Variants in DIP2C observed in about 807,000 individuals in gnomAD.
The protein encoded by DIP2C is disco-interacting protein 2 homolog C.
In DIP2C, 33 loss-of-function variants were observed where a neutral mutation model predicts 192.4. The observed-to-expected ratio is 0.17, with a 90% CI of 0.13 to 0.23. The LOEUF is 0.23. DIP2C is among the 10% of genes least tolerant of loss of function. The pLI, the probability that DIP2C is intolerant of heterozygous loss-of-function variation, is 1.00. For missense variants in DIP2C, 1,537 were observed against 2,110.1 expected (o/e 0.73, Z 5.32); for synonymous variants, 979 against 864.1 (o/e 1.13, Z -2.33).
chr10:618,952 C>A (rs1486984969), intron 1 of DIP2C, among the ~76,000 whole-genome samples: 3 of 152,208 alleles, frequency 2.0e-5, no homozygotes, highest in African/African-American at 7.2e-5. Context: ...AAAAATACTT[C>A]CAATTCTTCT....
chr10:578,909 C>G (rs528034520), intron 1 of DIP2C, among the ~76,000 whole-genome samples: 1 of 148,710 alleles, frequency 6.7e-6, no homozygotes, highest in Non-Finnish European at 1.5e-5. Context: ...TCCAGATCCA[C>G]AGTGTGTGCA....
intron 32 of DIP2C, among the ~76,000 whole-genome samples, chr10:299,446 G>A (rs1290516829): frequency 3.3e-5 from 5 of 152,118 alleles, no homozygotes; most frequent in Admixed American, 1.3e-4. Context: ...TCTTCATGAC[G>A]TTGACATTTT....
intron 1 of DIP2C, among the ~76,000 whole-genome samples, chr10:566,218 G>C (rs1849459489): frequency 6.6e-6 from 1 of 152,002 alleles, no homozygotes; most frequent in African/African-American, 2.4e-5. Flanking sequence ...TTACCATTAA[G>C]AGTGTCTGAA....
At chr10:649,322 C>T (rs992065725) in intron 1 of DIP2C, among the ~76,000 whole-genome samples, 1 of 151,670 alleles carries the variant, frequency 6.6e-6, no homozygotes, top group African/African-American at 2.4e-5. Flanking sequence ...AGTCCACGTC[C>T]ACATTGGATG....
rs913364642 is a variant in DIP2C at position 514,799 on chromosome 10, T to G, written c.86-28269A>C. Among the ~76,000 whole-genome samples the G allele has an allele frequency of 4.6e-5, 7 of 152,240 alleles. No homozygotes were observed. In the East Asian group the frequency reaches 1.4e-3, roughly 29 times the overall value. Reference sequence around the variant, plus strand: ...TCACCACCCCCCTTCCATGGGGGGCTTTATGCCTAGGAGTCTCAATATCAG... The same window carrying G: ...TCACCACCCCCCTTCCATGGGGGGCGTTATGCCTAGGAGTCTCAATATCAG... On this transcript the variant is annotated intron_variant, in intron 1 of 36. Transcript: ENST00000280886.
Position 548,023 on chromosome 10 carries a change from A to G in DIP2C, c.86-61493T>C, listed in dbSNP as rs146539204. 1.1e-3 allele frequency among the ~76,000 whole-genome samples: 167 copies of G among 152,146 alleles called. 1 individual carries two copies. The highest frequency in any genetic ancestry group is 3.9e-3 in the African/African-American group (162 of 41,504). ...CTTTTTCAGCCATCACAACTGTCAC[A>G]TGTAAAAGCAGTCTGCAATGCTTCA... On this transcript the variant is annotated intron_variant, in intron 1 of 36. Coordinates refer to ENST00000280886, the MANE Select transcript of DIP2C (RefSeq NM_014974.3).
rs561997771 is a variant in DIP2C at position 422,533 on chromosome 10, G to T, written c.604+291C>A. On this transcript the variant is annotated intron_variant, in intron 5 of 36. Coordinates refer to ENST00000280886, the MANE Select transcript of DIP2C (RefSeq NM_014974.3). ...CATTTAAAACCCTGTCCTGTTGATT[G>T]GGACTGTTAAGGTTTCATGTAGGAG... 4.6e-5 allele frequency among the ~76,000 whole-genome samples: 7 copies of T among 152,294 alleles called. No individual in the cohort carries two copies. The East Asian group carries it at 1.3e-3, about 29-fold the overall frequency.
intron 9 of DIP2C, among the ~76,000 whole-genome samples, chr10:407,915 CAT>C (rs1964922132): frequency 6.6e-6 from 1 of 152,136 alleles, no homozygotes; most frequent in South Asian, 2.1e-4. Flanking sequence ...GATATACAAA[CAT>C]GTTTAATGTA....
At chr10:639,930 G>T (rs1017987018) in intron 1 of DIP2C, among the ~76,000 whole-genome samples, 2 of 151,800 alleles carry the variant, frequency 1.3e-5, no homozygotes, top group African/African-American at 4.8e-5. Context: ...CAAGGCTTCC[G>T]CTGACCACGC....
intron 1 of DIP2C, among the ~76,000 whole-genome samples, chr10:580,628 C>A (rs760390999): frequency 6.6e-6 from 1 of 152,076 alleles, no homozygotes; most frequent in Non-Finnish European, 1.5e-5. Flanking sequence ...ATACATAGTA[C>A]GCATACACCA....
chr10:566,374 C>T (rs1018894817), intron 1 of DIP2C, among the ~76,000 whole-genome samples: 1 of 152,186 alleles, frequency 6.6e-6, no homozygotes, highest in Non-Finnish European at 1.5e-5. Flanking sequence ...TTGCTGCTGC[C>T]GGTTCACCTG....
chr10:375,536 G>C (rs1961459753), intron 17 of DIP2C, among the ~76,000 whole-genome samples: 1 of 152,174 alleles, frequency 6.6e-6, no homozygotes, highest in Admixed American at 6.5e-5. Flanking sequence ...GGCCTCACGA[G>C]GAATGTACAC....
At chr10:422,662 A>G (rs2133165170) in intron 5 of DIP2C, among the ~76,000 whole-genome samples, 162 bp downstream of exon 5, 2 of 152,328 alleles carry the variant, frequency 1.3e-5, no homozygotes, top group South Asian at 4.1e-4. Flanking sequence ...TGAGAAGTGT[A>G]AAGCAGCTTC....
chr10:475,287 T>C (rs1206242752), intron 2 of DIP2C, among the ~76,000 whole-genome samples: 2 of 152,224 alleles, frequency 1.3e-5, no homozygotes, highest in Non-Finnish European at 2.9e-5. Flanking sequence ...TGCTAAATGA[T>C]GAACCACAAA....
At chr10:470,927 A>G (rs183425660) in intron 3 of DIP2C, among the ~76,000 whole-genome samples, 83 of 152,268 alleles carry the variant, frequency 5.5e-4, no homozygotes, top group Admixed American at 8.5e-4. Flanking sequence ...TTGTGTGTTC[A>G]CAGACAGGGT....
intron 36 of DIP2C, among the ~76,000 whole-genome samples, chr10:280,682 A>T (rs1012012128): frequency 1.3e-5 from 2 of 152,266 alleles, no homozygotes; most frequent in African/African-American, 4.8e-5. Context: ...GGCCCAGAGC[A>T]GAGTCTGCCC....
At position 664,549 on chromosome 10, in the gene DIP2C, T is replaced by C. The variant is rs577225894; in HGVS notation, c.85+24945A>G. 4 of 152,346 alleles carry C rather than the reference T, an allele frequency of 2.6e-5. No individual in the cohort carries two copies. The South Asian group carries it at 6.2e-4, about 24-fold the overall frequency. The allele number at this position is 152,346 out of a possible 1,614,324, so 9.4% of individuals were successfully genotyped here. On this transcript the variant is annotated intron_variant, in intron 1 of 36. Transcript: ENST00000280886. ...AAAATGACACACATAAGCCCAGTTA[T>C]ACACTCGACACATTAACACTATTGA...
chr10:622,855 T>TA (rs931946043), intron 1 of DIP2C, among the ~76,000 whole-genome samples: 2 of 152,194 alleles, frequency 1.3e-5, no homozygotes, highest in Non-Finnish European at 2.9e-5. Flanking sequence ...AGAGCTGTGT[T>TA]AGACACTGGG....
intron 1 of DIP2C, among the ~76,000 whole-genome samples, chr10:600,500 T>G (rs61832970): frequency 0.025 from 2,950 of 116,642 alleles, 78 homozygotes; most frequent in African/African-American, 0.063. Flanking sequence ...CCCAGGGTGT[T>G]CGGATGCTCC....
Sources: allele counts gnomAD v4.1 joint callset (sites outside exome capture counted in the v4.1 genomes callset), GRCh38; gene constraint gnomAD v4.1.1; transcripts MANE v1.5; gene names NCBI Gene and HGNC (gene_info 2026-07-23, HGNC 2026-07-21).